Variants in AQR observed in about 807,000 individuals in gnomAD.
AQR encodes aquarius intron-binding spliceosomal factor.
Under a neutral mutation model 180.5 loss-of-function variants are expected in AQR, and 61 were observed. The ratio of observed to expected loss-of-function variants is 0.34; its 90% confidence interval spans 0.28 to 0.42. AQR has a LOEUF of 0.42. Ranked by LOEUF, AQR falls within the 10% of genes least tolerant of loss-of-function variation. The pLI, the probability that AQR is intolerant of heterozygous loss-of-function variation, is 1.00. For missense variants in AQR, 1,281 were observed against 1,798.3 expected, an observed-to-expected ratio of 0.71 and a Z score of 5.20; for synonymous variants, 551 against 588.8, an observed-to-expected ratio of 0.94 and a Z score of 0.93.
At chr15:34,866,615 C>T (rs1892741081) in intron 32 of AQR, among the ~76,000 whole-genome samples, 1 of 152,006 alleles carries the variant, frequency 6.6e-6, no homozygotes, top group Admixed American at 6.6e-5. Context: ...TATATTCATA[C>T]TGTAAGTTTT....
intron 32 of AQR, among the ~76,000 whole-genome samples, chr15:34,866,609 T>G (rs1018484747): frequency 6.6e-6 from 1 of 152,092 alleles, no homozygotes; most frequent in Non-Finnish European, 1.5e-5. Context: ...TATTCATATA[T>G]TCATACTGTA....
In AQR at chr15:34,920,835, G is replaced by A. The variant is rs532392828; in HGVS notation, c.1119-401C>T. On this transcript the variant is annotated intron_variant, in intron 13 of 34. Transcript: ENST00000156471. ...TAGCCGGGCGTGGTGGCGGGCGCCT[G>A]TAGTCCCAGCTACTCGGGAGGCTGA... is the stretch of plus-strand genomic sequence containing the variant. Among the ~76,000 whole-genome samples the A allele has an allele frequency of 3.3e-5, 5 of 152,262 alleles. No homozygotes were observed. In the East Asian group the frequency reaches 9.7e-4, roughly 29 times the overall value.
chr15:34,952,193 C>T (rs1894244841), intron 4 of AQR, among the ~76,000 whole-genome samples: 1 of 152,120 alleles, frequency 6.6e-6, no homozygotes, highest in Admixed American at 6.5e-5. Flanking sequence ...TGAGCTTTGG[C>T]ATCAGACATT....
intron 1 of AQR, among the ~76,000 whole-genome samples, chr15:34,965,269 A>G (rs2050304214): frequency 6.6e-6 from 1 of 152,166 alleles, no homozygotes; most frequent in South Asian, 2.1e-4. Flanking sequence ...CTTTGCTTTT[A>G]TAGCTCAGTG....
intron 24 of AQR, among the ~76,000 whole-genome samples, chr15:34,887,189 T>C (rs1893074820): frequency 6.6e-6 from 1 of 151,790 alleles, no homozygotes; most frequent in South Asian, 2.1e-4. Context: ...TGCAAGGGTG[T>C]TACTGGTCTA....
At chr15:34,947,563 C>CAA (rs11324647) in intron 5 of AQR, among the ~76,000 whole-genome samples, 2,153 of 146,934 alleles carry the variant, frequency 0.015, 51 homozygotes, top group African/African-American at 0.049. Flanking sequence ...AAAAATAAGA[C>CAA]AAAAAAAATA....
At chr15:34,926,946 A>G (rs919233033) in intron 13 of AQR, 89 bp downstream of exon 13, 2 of 684,256 alleles carry the variant, frequency 2.9e-6, no homozygotes, top group Non-Finnish European at 4.6e-6. Flanking sequence ...TATCTAAAGT[A>G]CTGCAAAATG....
At chr15:34,884,452 A>T in intron 26 of AQR, 73 bp downstream of exon 26, 2 of 1,263,260 alleles carry the variant, frequency 1.6e-6, no homozygotes, top group East Asian at 2.5e-5. Flanking sequence ...AATATTTCAC[A>T]TTTACTTCAA....
chr15:34,867,731 A>G (rs1892756858), intron 31 of AQR, 122 bp from the exon 32 acceptor site: 1 of 696,628 alleles, frequency 1.4e-6, no homozygotes, highest in Non-Finnish European at 2.4e-6. Context: ...AAACATAATC[A>G]TAGGCTTGGA....
chr15:34,959,953 CAACATGGTGA>C (rs1566792302), intron 3 of AQR, among the ~76,000 whole-genome samples: 1 of 152,088 alleles, frequency 6.6e-6, no homozygotes, highest in African/African-American at 2.4e-5. Context: ...CTAGCCTGGC[CAACATGGTGA>C]AACCCTGTCT....
chr15:34,894,472 G>C (rs997845604), intron 22 of AQR, among the ~76,000 whole-genome samples: 8 of 152,020 alleles, frequency 5.3e-5, no homozygotes, highest in African/African-American at 1.9e-4. Flanking sequence ...CTCATATCTA[G>C]TAGACATGTT....
intron 6 of AQR, chr15:34,943,348 T>C (rs1397430446): frequency 1.3e-6 from 2 of 1,482,684 alleles, no homozygotes; most frequent in African/African-American, 1.4e-5. Flanking sequence ...TGCAAGCATT[T>C]TGAACTGGGA....
At chr15:34,948,992 CTTTT>C (rs752603530) in intron 4 of AQR, among the ~76,000 whole-genome samples, 174 of 150,544 alleles carry the variant, frequency 1.2e-3, no homozygotes, top group Admixed American at 1.7e-3. Context: ...TTACTTAAGG[CTTTT>C]TTTTTGTTTT....
chr15:34,884,845 G>A, intron 25 of AQR, 111 bp from the exon 26 acceptor site: 2 of 793,170 alleles, frequency 2.5e-6, no homozygotes, highest in Non-Finnish European at 3.9e-6. Flanking sequence ...GAAAAAAAAA[G>A]AAATTCAATC....
intron 8 of AQR, among the ~76,000 whole-genome samples, chr15:34,940,199 C>T (rs1894001991): frequency 6.6e-6 from 1 of 152,300 alleles, no homozygotes; most frequent in East Asian, 1.9e-4. Context: ...GCAAGAGTCA[C>T]AAGAAACAGC....
At chr15:34,858,522 A>G (rs1423359302) in intron 34 of AQR, among the ~76,000 whole-genome samples, 1 of 152,164 alleles carries the variant, frequency 6.6e-6, no homozygotes, top group East Asian at 1.9e-4. Context: ...ATCCTAAACA[A>G]TCCTCCTCTT....
chr15:34,861,672 C>G (rs889742356), intron 33 of AQR, among the ~76,000 whole-genome samples: 7 of 152,148 alleles, frequency 4.6e-5, no homozygotes, highest in Non-Finnish European at 8.8e-5. Context: ...CACAAAAGAT[C>G]AAGAAACTCG....
At chr15:34,917,552 G>A (rs1443799045) in intron 15 of AQR, among the ~76,000 whole-genome samples, 1 of 151,268 alleles carries the variant, frequency 6.6e-6, no homozygotes, top group Non-Finnish European at 1.5e-5. Context: ...TCTTTTTTTT[G>A]GTGATCATTA....
At chr15:34,889,068 T>C (rs1435888657) in intron 24 of AQR, among the ~76,000 whole-genome samples, 2 of 152,208 alleles carry the variant, frequency 1.3e-5, no homozygotes, top group South Asian at 2.1e-4. Context: ...TTCAATATAA[T>C]TGTAATTATA....
Sources: allele counts gnomAD v4.1 joint callset (sites outside exome capture counted in the v4.1 genomes callset), GRCh38; gene constraint gnomAD v4.1.1; transcripts MANE v1.5; gene names NCBI Gene and HGNC (gene_info 2026-07-23, HGNC 2026-07-21).